DNAH8: variants seen among roughly 807,000 people sequenced by gnomAD.
DNAH8 encodes dynein axonemal heavy chain 8.
Under a neutral mutation model 562.1 loss-of-function variants are expected in DNAH8, and 382 were observed. The observed-to-expected ratio is 0.68, with a 90% CI of 0.63 to 0.74. The LOEUF (loss-of-function observed/expected upper bound fraction) is 0.74. DNAH8 is among the 30% of genes least tolerant of loss of function. DNAH8 has a pLI of 0.00. For missense variants in DNAH8, 5,203 were observed against 5,620.4 expected, an observed-to-expected ratio of 0.93 and a Z score of 2.37; for synonymous variants, 1,881 against 1,919.4, an observed-to-expected ratio of 0.98 and a Z score of 0.52.
At chr6:38,906,967 A>AT (rs1780528045) in intron 63 of DNAH8, among the ~76,000 whole-genome samples, 1 of 152,190 alleles carries the variant, frequency 6.6e-6, no homozygotes, top group Non-Finnish European at 1.5e-5. Context: ...TAGATTTCAG[A>AT]TTTTTTGATT....
At chr6:38,946,920 G>T (rs1761477826) in intron 80 of DNAH8, among the ~76,000 whole-genome samples, 1 of 152,152 alleles carries the variant, frequency 6.6e-6, no homozygotes, top group Admixed American at 6.5e-5. Context: ...TCTAATGATG[G>T]TTTATATTGA....
At chr6:38,747,370 CTTTT>C (rs1264670625) in intron 8 of DNAH8, among the ~76,000 whole-genome samples, 8 of 137,092 alleles carry the variant, frequency 5.8e-5, no homozygotes, top group African/African-American at 1.6e-4. Context: ...TTGTCATTTT[CTTTT>C]TTTCTTTTTC....
At chr6:38,868,706 A>C (rs1413697765) in intron 48 of DNAH8, among the ~76,000 whole-genome samples, 1 of 150,596 alleles carries the variant, frequency 6.6e-6, no homozygotes. Context: ...ACAGACTCTC[A>C]GTCACCCAGG....
chr6:38,767,723 C>T (rs1380343490), intron 11 of DNAH8, among the ~76,000 whole-genome samples: 1 of 152,102 alleles, frequency 6.6e-6, no homozygotes, highest in Non-Finnish European at 1.5e-5. Flanking sequence ...TTTGTTACTA[C>T]CTTTTGGCTA....
intron 8 of DNAH8, among the ~76,000 whole-genome samples, chr6:38,746,458 A>T (rs1169548289): frequency 1.3e-5 from 2 of 151,976 alleles, no homozygotes; most frequent in African/African-American, 4.8e-5. Flanking sequence ...ATTTTATTGG[A>T]GAGTAGTATT....
rs769387808 is a variant in DNAH8 at position 38,845,724 on chromosome 6, A to G, written c.4996A>G (p.Thr1666Ala). 8.7e-6 allele frequency: 14 copies of G among 1,613,832 alleles called. No homozygotes were observed. The highest frequency in any genetic ancestry group is 1.0e-5 in the Non-Finnish European group (12 of 1,179,862). Residue 1666 changes from threonine (T) to alanine (A), a missense_variant, in exon 36 of 93, where the codon ACT (threonine) becomes GCT (alanine). Thr to Ala is a moderately conservative substitution (Grantham distance 58). Coordinates refer to ENST00000327475, the MANE Select transcript of DNAH8 (RefSeq NM_001206927.2). ...LKGTESGEII[T>A]LMEDSLMVLG... ...AGGAACCGAATCGGGAGAAATTATC[A>G]CTTTGATGGAGGATAGTTTAATGGT...
intron 26 of DNAH8, among the ~76,000 whole-genome samples, chr6:38,819,451 A>G (rs907042290): frequency 2.6e-5 from 4 of 152,146 alleles, no homozygotes; most frequent in Non-Finnish European, 4.4e-5. Context: ...TGTGTTTTAT[A>G]TATGTTTCTG....
intron 10 of DNAH8, among the ~76,000 whole-genome samples, chr6:38,756,445 G>A (rs868743755): frequency 5.9e-5 from 9 of 151,888 alleles, no homozygotes; most frequent in Non-Finnish European, 5.9e-5. Flanking sequence ...CCTGTGTAGC[G>A]CCGCATGGTT....
At chr6:38,721,554 G>C (rs1762753787) in intron 1 of DNAH8, among the ~76,000 whole-genome samples, 2 of 151,570 alleles carry the variant, frequency 1.3e-5, no homozygotes, top group African/African-American at 4.9e-5. Context: ...GAAGGGGGTG[G>C]GGAGAGGGAA....
In DNAH8 at chr6:38,890,679, C is replaced by T. The variant is rs1454124610; in HGVS notation, c.8501C>T (p.Pro2834Leu). ...ATTATTGGATGTGGATACTTTGATC[C>T]TTGTAGAAGTTTCAAGCCTCAAATA... is the stretch of plus-strand genomic sequence containing the variant. ...FGIIGCGYFD[P>L]CRSFKPQICE... Residue 2834 changes from proline (P) to leucine (L), a missense_variant, in exon 58 of 93, where the codon CCT (proline) becomes CTT (leucine). Pro to Leu is a moderately conservative substitution (Grantham distance 98, BLOSUM62 -3). Around this residue, in one of 6 missense-constraint regions of DNAH8, gnomAD observed 977 missense variants for 1,061.8 expected, o/e 0.92. Transcript: ENST00000327475. The T allele has an allele frequency of 3.1e-6, 5 of 1,613,048 alleles. No homozygotes were observed. In the African/African-American group the frequency reaches 6.7e-5, roughly 22 times the overall value.
intron 10 of DNAH8, among the ~76,000 whole-genome samples, chr6:38,758,085 G>A (rs983559857): frequency 1.5e-4 from 23 of 152,294 alleles, no homozygotes; most frequent in African/African-American, 5.5e-4. Flanking sequence ...GTAGCTTGAT[G>A]GGGATGGCAC....
At chr6:39,019,887 G>A (rs1766796341) in intron 91 of DNAH8, among the ~76,000 whole-genome samples, 1 of 152,180 alleles carries the variant, frequency 6.6e-6, no homozygotes. Context: ...TTCCCTTAAA[G>A]GGTGGAGGAA....
At chr6:38,953,267 CCTTATGTACAGAG>C (rs1762038264) in intron 82 of DNAH8, among the ~76,000 whole-genome samples, 1 of 152,128 alleles carries the variant, frequency 6.6e-6, no homozygotes, top group Non-Finnish European at 1.5e-5. Flanking sequence ...CTAGTAGAAA[CCTTATGTACAGAG>C]CTGGAATGGG....
chr6:38,828,287 C>G lies in DNAH8; in HGVS notation c.4187C>G (p.Ala1396Gly). ...TCTTTCAACAAATTGCAGAGCAAAG[C>G]TGTAAGTATGAATTTAACTACATTA... ...RYSFNKLQSK[A>G]VSVQEDLVQV... The change falls in exon 30 of 93, where the codon GCT (alanine) becomes GGT (glycine). Residue 1396 changes from alanine (A) to glycine (G), a missense_variant and splice_region_variant. Transcript: ENST00000327475. 6.5e-7 allele frequency: 1 copy of G among 1,533,744 alleles called. No homozygotes were observed. Among genetic ancestry groups the G allele is most frequent in the Non-Finnish European group, 8.8e-7 (1 of 1,132,274 alleles).
intron 53 of DNAH8, among the ~76,000 whole-genome samples, chr6:38,881,125 T>TA (rs1238956121): frequency 7.3e-6 from 1 of 136,600 alleles, no homozygotes; most frequent in East Asian, 5.9e-4. Context: ...ATTGGTGCCG[T>TA]AATAGAGCAC....
rs1207764103 is a variant in DNAH8 at position 38,866,780 on chromosome 6, A to T, written c.6597A>T (p.Arg2199Ser). 1 of 1,611,506 alleles carries T rather than the reference A, an allele frequency of 6.2e-7. No homozygotes were observed. Among genetic ancestry groups the T allele is most frequent in the Non-Finnish European group, 8.5e-7 (1 of 1,178,500 alleles). ...MMVPDRQIIM[R>S]VKLASCGFLE... is the part of the protein sequence containing the mutation. ...ATATTAATTTTCAGATCATTATGAGAGTTAAACTTGCAAGCTGTGGTTTTC... is the reference window on the plus strand; with the variant it reads ...ATATTAATTTTCAGATCATTATGAGTGTTAAACTTGCAAGCTGTGGTTTTC... Residue 2199 changes from arginine (R) to serine (S), a missense_variant, in exon 47 of 93, where the codon AGA becomes AGT. By Grantham distance (110) the Arg-to-Ser change is moderately radical. Transcript: ENST00000327475.
Position 38,865,028 on chromosome 6 carries a change from C to T in DNAH8, c.6498+968C>T, listed in dbSNP as rs186609337. ...GAAAGAATTGTAACAAATTCAGTTA[C>T]CATGTGATTAAGGGTGAGCTTTGAG... On this transcript the variant is annotated intron_variant, in intron 45 of 92. Transcript: ENST00000327475. Among the ~76,000 whole-genome samples, 425 of 152,272 alleles carry T rather than the reference C, an allele frequency of 2.8e-3. 5 individuals are homozygous for T. The highest frequency in any genetic ancestry group is 0.017 in the Middle Eastern group (5 of 294).
In DNAH8 at chr6:38,818,537, CA is replaced by C. The variant is rs70981590; in HGVS notation, c.3523+2896del. 1.9e-3 allele frequency among the ~76,000 whole-genome samples: 141 copies of C among 75,832 alleles called. 4 individuals are homozygous for C. In the Middle Eastern group the frequency reaches 0.034, roughly 19 times the overall value. 49.7% of individuals were successfully genotyped at this position (75,832 alleles called of 152,430 possible). On this transcript the variant is annotated intron_variant, in intron 26 of 92. Transcript: ENST00000327475. ...CAAAATAAGAAAGCAAAAGCAAAAG[CA>C]AAAAAAAAAAAAAAAGAAGATATGG...
At chr6:38,782,973 T>C in intron 16 of DNAH8, 31 bp from the exon 17 acceptor site, 1 of 1,592,258 alleles carries the variant, frequency 6.3e-7, no homozygotes, top group South Asian at 1.1e-5. Context: ...CAGCAGTCTT[T>C]TAAAGTAAAT....
Sources: allele counts gnomAD v4.1 joint callset (sites outside exome capture counted in the v4.1 genomes callset), GRCh38; gene constraint gnomAD v4.1.1; regional missense constraint gnomAD v4.1.1; transcripts MANE v1.5; gene names NCBI Gene and HGNC (gene_info 2026-07-23, HGNC 2026-07-21).